Variants in NEGR1 observed in about 807,000 individuals in gnomAD.
NEGR1 encodes neuronal growth regulator 1.
In NEGR1, 10 loss-of-function variants were observed where a neutral mutation model predicts 40.9. The observed-to-expected ratio is 0.24, with a 90% CI of 0.15 to 0.42. The LOEUF is 0.42. Ranked by LOEUF, NEGR1 falls within the 10% of genes least tolerant of loss-of-function variation. The pLI is 1.00. For missense variants in NEGR1, 352 were observed against 438.9 expected (o/e 0.80, Z 1.77); for synonymous variants, 185 against 166.8 (o/e 1.11, Z -0.84).
chr1:72,127,986 G>A (rs1416623505), intron 1 of NEGR1, among the ~76,000 whole-genome samples: 1 of 152,100 alleles, frequency 6.6e-6, no homozygotes, highest in Non-Finnish European at 1.5e-5. Context: ...AGAATACACA[G>A]TCTATCAGTA....
intron 2 of NEGR1, among the ~76,000 whole-genome samples, chr1:71,894,504 A>G (rs1307050282): frequency 6.6e-6 from 1 of 152,198 alleles, no homozygotes; most frequent in Non-Finnish European, 1.5e-5. Flanking sequence ...TCTTAAAACA[A>G]CACTGAGATA....
chr1:71,834,828 G>A (rs1195884205), intron 2 of NEGR1, among the ~76,000 whole-genome samples: 2 of 149,612 alleles, frequency 1.3e-5, no homozygotes, highest in African/African-American at 2.5e-5. Flanking sequence ...ACAGAGTTTT[G>A]TTATTTTTGA....
chr1:72,282,208 T>C (rs1557613177), intron 1 of NEGR1, 111 bp downstream of exon 1: 1 of 1,262,994 alleles, frequency 7.9e-7, no homozygotes, highest in Non-Finnish European at 1.1e-6. Flanking sequence ...GGTCTTTCCA[T>C]GATGAGCACC....
At chr1:71,729,393 C>T (rs1654779504) in intron 3 of NEGR1, among the ~76,000 whole-genome samples, 1 of 152,138 alleles carries the variant, frequency 6.6e-6, no homozygotes, top group East Asian at 1.9e-4. Flanking sequence ...AGTCTAGCCA[C>T]CTTATATTAT....
chr1:71,991,569 A>G (rs2801322), intron 1 of NEGR1, among the ~76,000 whole-genome samples: 74,626 of 151,902 alleles, frequency 0.49, 18,839 homozygotes, highest in East Asian at 0.67. Context: ...ATTCCTCTGG[A>G]AAGACTCGTG....
At chr1:71,831,330 T>A (rs201457828) in intron 2 of NEGR1, among the ~76,000 whole-genome samples, 35 of 151,774 alleles carry the variant, frequency 2.3e-4, no homozygotes, top group Admixed American at 2.2e-3. Flanking sequence ...GAGAAAAAAA[T>A]TGCAAATAAA....
intron 4 of NEGR1, among the ~76,000 whole-genome samples, chr1:71,680,681 T>A (rs1453924322): frequency 6.6e-6 from 1 of 152,222 alleles, no homozygotes; most frequent in Non-Finnish European, 1.5e-5. Flanking sequence ...TACTATATTT[T>A]AACACCATTG....
rs571346401 is a variant in NEGR1, at chr1:72,262,924, G to A, written c.176+19395C>T. Among the ~76,000 whole-genome samples, 7 of 151,740 alleles carry A rather than the reference G, an allele frequency of 4.6e-5. No individual in the cohort carries two copies. The East Asian group carries it at 7.7e-4, about 17-fold the overall frequency. ...TATATTTATGTACCAGTCTTAAAAC[G>A]TCAGGTCAGCATCTTTTGTTAGCAA... is the stretch of plus-strand genomic sequence containing the variant. On this transcript the variant is annotated intron_variant, in intron 1 of 6. Coordinates refer to ENST00000357731, the MANE Select transcript of NEGR1 (RefSeq NM_173808.3).
intron 6 of NEGR1, among the ~76,000 whole-genome samples, chr1:71,428,344 A>G (rs1487119195): frequency 6.6e-6 from 1 of 152,202 alleles, no homozygotes; most frequent in Non-Finnish European, 1.5e-5. Context: ...CTCATTCTAA[A>G]TAGTACCTGT....
At chr1:72,070,590 G>T in intron 1 of NEGR1, among the ~76,000 whole-genome samples, 1 of 152,070 alleles carries the variant, frequency 6.6e-6, no homozygotes, top group East Asian at 1.9e-4. Flanking sequence ...GATAAAAACA[G>T]TAAAATATAA....
chr1:71,935,063 T>C lies in NEGR1; in HGVS notation c.409+16A>G. The C allele has an allele frequency of 6.8e-7, 1 of 1,479,044 alleles. No homozygotes were observed. The highest frequency in any genetic ancestry group is 9.5e-7 in the Non-Finnish European group (1 of 1,057,322). The allele number at this position is 1,479,044 out of a possible 1,614,324, so 91.6% of individuals were successfully genotyped here. A position where few individuals can be genotyped will look rare whatever the true frequency, so the allele number is the denominator to read the frequency against. On this transcript the variant is annotated intron_variant, in intron 2 of 6. Transcript: ENST00000357731. ...AGCACAGTCTTTCACAATATAGCAG[T>C]TCTGAAAATACATACCTTGCACAGT...
chr1:72,186,900 C>T (rs139379340), intron 1 of NEGR1, among the ~76,000 whole-genome samples: 29 of 151,720 alleles, frequency 1.9e-4, no homozygotes, highest in African/African-American at 6.7e-4. Context: ...GTGGGATCTT[C>T]ATTCACCACT....
At chr1:71,576,744 G>C (rs972593081) in intron 6 of NEGR1, among the ~76,000 whole-genome samples, 1 of 152,222 alleles carries the variant, frequency 6.6e-6, no homozygotes, top group Non-Finnish European at 1.5e-5. Context: ...GGCCATAAGT[G>C]TAAGTGATGT....
chr1:72,150,713 T>C (rs1230045349), intron 1 of NEGR1, among the ~76,000 whole-genome samples: 1 of 152,166 alleles, frequency 6.6e-6, no homozygotes, highest in East Asian at 1.9e-4. Context: ...AGTGAAGATT[T>C]GCTGGTGAAT....
chr1:71,989,943 A>C (rs1211860415), intron 1 of NEGR1, among the ~76,000 whole-genome samples: 1 of 152,116 alleles, frequency 6.6e-6, no homozygotes, highest in Non-Finnish European at 1.5e-5. Context: ...GTTTTCTCTA[A>C]ATCTTTTTGA....
chr1:72,215,401 C>T (rs181503168), intron 1 of NEGR1, among the ~76,000 whole-genome samples: 2 of 151,918 alleles, frequency 1.3e-5, no homozygotes, highest in Admixed American at 1.3e-4. Context: ...TGCACAGTAA[C>T]AGAAATTATT....
At position 71,721,851 on chromosome 1, in the gene NEGR1, A is replaced by T. The variant is rs140781064; in HGVS notation, c.536-23712T>A. On this transcript the variant is annotated intron_variant, in intron 3 of 6. Coordinates refer to ENST00000357731, the MANE Select transcript of NEGR1 (RefSeq NM_173808.3). ...TCATTTAAGTGGAGACCTTAATGTCATCAAAGAGGCTTCCATGTTAACATA... is the reference window on the plus strand; with the variant it reads ...TCATTTAAGTGGAGACCTTAATGTCTTCAAAGAGGCTTCCATGTTAACATA... 1.8e-3 allele frequency among the ~76,000 whole-genome samples: 279 copies of T among 152,264 alleles called. 2 individuals carry two copies. The highest frequency in any genetic ancestry group is 6.5e-3 in the African/African-American group (272 of 41,556).
intron 1 of NEGR1, among the ~76,000 whole-genome samples, chr1:72,077,301 G>A (rs1197983485): frequency 6.6e-6 from 1 of 152,082 alleles, no homozygotes; most frequent in South Asian, 2.1e-4. Flanking sequence ...GGTGGAACAA[G>A]ATAGAATGAG....
At chr1:71,885,504 T>C (rs1570466874) in intron 2 of NEGR1, among the ~76,000 whole-genome samples, 1 of 152,160 alleles carries the variant, frequency 6.6e-6, no homozygotes, top group South Asian at 2.1e-4. Flanking sequence ...ACGTTAGCTG[T>C]TTTTTAAACT....
Sources: allele counts gnomAD v4.1 joint callset (sites outside exome capture counted in the v4.1 genomes callset), GRCh38; gene constraint gnomAD v4.1.1; transcripts MANE v1.5; gene names NCBI Gene and HGNC (gene_info 2026-07-23, HGNC 2026-07-21).